ANKRD11: variants seen among roughly 807,000 people sequenced by gnomAD.
ANKRD11 encodes the protein ankyrin repeat domain-containing protein 11.
ANKRD11 carries 17 observed loss-of-function variants against 195.7 expected under a neutral mutation model. The ratio of observed to expected loss-of-function variants is 0.09; its 90% confidence interval spans 0.06 to 0.13. The LOEUF (loss-of-function observed/expected upper bound fraction) is 0.13, where lower values mean the gene tolerates loss of function less well. Among genes scored for constraint, ANKRD11 ranks in the 10% least tolerant of loss-of-function variants. The pLI is 1.00. For synonymous variants in ANKRD11, 1,953 were observed against 1,528.1 expected (o/e 1.28, Z -6.49); for missense variants, 3,735 against 3,566.1 (o/e 1.05, Z -1.21).
At chr16:89,308,075 G>T (rs1022974969) in intron 3 of ANKRD11, among the ~76,000 whole-genome samples, 1 of 151,442 alleles carries the variant, frequency 6.6e-6, no homozygotes, top group Non-Finnish European at 1.5e-5. Context: ...TGAGGGGAAG[G>T]TTCTACCAAA....
At chr16:89,303,410 C>A (rs1272852310) in intron 4 of ANKRD11, among the ~76,000 whole-genome samples, 2 of 152,232 alleles carry the variant, frequency 1.3e-5, no homozygotes, top group Non-Finnish European at 2.9e-5. Flanking sequence ...CAGGGAGTCA[C>A]CCAGGCCCTC....
intron 2 of ANKRD11, among the ~76,000 whole-genome samples, chr16:89,346,612 T>A (rs1210985782): frequency 6.6e-6 from 1 of 152,110 alleles, no homozygotes; most frequent in Non-Finnish European, 1.5e-5. Context: ...GCCTTCAATC[T>A]GGGAATTAAG....
At chr16:89,455,113 C>T (rs1418339458) in intron 1 of ANKRD11, among the ~76,000 whole-genome samples, 3 of 99,486 alleles carry the variant, frequency 3.0e-5, no homozygotes, top group Middle Eastern at 6.5e-3. Context: ...CCCCTGGGTG[C>T]TTCTAGGGTT....
chr16:89,279,960 C>A lies in ANKRD11; in HGVS notation c.6582G>T (p.Gln2194His). 6.2e-7 allele frequency: 1 copy of A among 1,610,526 alleles called. No individual in the cohort carries two copies. ...GCTCTGCAGGGAGCCGGGTGGAGGCCTGGTCAGGAGGCAGTGCCGGCGGCT... is the reference window on the plus strand; with the variant it reads ...GCTCTGCAGGGAGCCGGGTGGAGGCATGGTCAGGAGGCAGTGCCGGCGGCT... ...AEEPPALPPD[Q>H]ASTRLPAELE... The change falls in exon 9 of 13, where the codon CAG (glutamine) becomes CAT (histidine). Residue 2194 changes from glutamine to histidine, a missense_variant. By Grantham distance (24) the Gln-to-His change is conservative. Transcript: ENST00000301030. The surrounding 1 kb of genome is among the most constrained non-coding windows in gnomAD (Gnocchi z 5.6).
chr16:89,435,203 G>C (rs927104951), intron 1 of ANKRD11, among the ~76,000 whole-genome samples: 4 of 152,246 alleles, frequency 2.6e-5, no homozygotes, highest in Middle Eastern at 3.4e-3. Flanking sequence ...TCAGCACTCT[G>C]TGTCTAGCTA....
At chr16:89,433,010 A>G (rs901109575) in intron 1 of ANKRD11, among the ~76,000 whole-genome samples, 3 of 151,540 alleles carry the variant, frequency 2.0e-5, no homozygotes, top group African/African-American at 7.3e-5. Context: ...ACACACACAC[A>G]CACACACACG....
Position 89,282,065 on chromosome 16 carries a change from G to T in ANKRD11, c.4477C>A (p.Leu1493Met). The change falls in exon 9 of 13, where the codon CTG (leucine) becomes ATG (methionine). Residue 1493 changes from leucine to methionine, a missense_variant. Transcript: ENST00000301030. ...TTCTGCTCGTCCCTGTGATGCCGCA[G>T]GAGCTCGTCCCTGTGATGCCGCAGC... ...GLLRHHRDEL[L>M]RHHRDEQKPA... The T allele has an allele frequency of 6.2e-7, 1 of 1,612,138 alleles. No individual in the cohort carries two copies. Among genetic ancestry groups the T allele is most frequent in the Non-Finnish European group, 8.5e-7 (1 of 1,179,022 alleles).
intron 1 of ANKRD11, among the ~76,000 whole-genome samples, chr16:89,462,512 G>A (rs1270593816): frequency 1.3e-5 from 2 of 150,650 alleles, no homozygotes; most frequent in African/African-American, 4.9e-5. Context: ...AGTGAGGAGC[G>A]TCTCTGCCTG....
chr16:89,303,620 C>G (rs914279564), intron 4 of ANKRD11, among the ~76,000 whole-genome samples: 1 of 152,202 alleles, frequency 6.6e-6, no homozygotes. Context: ...GGCACTGCAC[C>G]TGCCCCTCAC....
chr16:89,290,617 G>C lies in ANKRD11; in HGVS notation c.601+8C>G, dbSNP rs1263489896. 1.2e-6 allele frequency: 2 copies of C among 1,611,404 alleles called. No individual in the cohort carries two copies. Among genetic ancestry groups the C allele is most frequent in the Admixed American group, 1.7e-5 (1 of 60,022 alleles). ...CTCTCTGGCCCTTGCCAGGCACAGG[G>C]TGCCCACCTGCGAAGTCCTTGACGT... On this transcript the variant is annotated splice_region_variant and intron_variant, in intron 6 of 12. Coordinates refer to ENST00000301030, the MANE Select transcript of ANKRD11 (RefSeq NM_013275.6).
intron 2 of ANKRD11, among the ~76,000 whole-genome samples, chr16:89,342,474 A>G (rs2038737518): frequency 6.6e-6 from 1 of 152,260 alleles, no homozygotes; most frequent in South Asian, 2.1e-4. Flanking sequence ...GGAACAAGGC[A>G]AAGCGTGAGG....
chr16:89,418,350 G>A lies in ANKRD11; in HGVS notation c.-126C>T, dbSNP rs904169515. 1.3e-5 allele frequency: 6 copies of A among 453,406 alleles called. No homozygotes were observed. The highest frequency in any genetic ancestry group is 1.2e-4 in the Admixed American group (5 of 42,500). 28.1% of individuals were successfully genotyped at this position (453,406 alleles called of 1,614,324 possible). ...TTAAATCCAATGGAGGTGTGTCCCAGAGCAGGGCTGTATATATTCTGAAAC... is the reference window on the plus strand; with the variant it reads ...TTAAATCCAATGGAGGTGTGTCCCAAAGCAGGGCTGTATATATTCTGAAAC... On this transcript the variant is annotated 5_prime_UTR_variant, in exon 2 of 13. Transcript: ENST00000301030.
chr16:89,390,336 T>C (rs2041132145), intron 2 of ANKRD11, among the ~76,000 whole-genome samples: 1 of 146,816 alleles, frequency 6.8e-6, no homozygotes, highest in African/African-American at 2.5e-5. Context: ...ACAGAGAAGA[T>C]CACTGGGGCG....
At chr16:89,470,783 A>T (rs1209657766) in intron 1 of ANKRD11, among the ~76,000 whole-genome samples, 1 of 151,990 alleles carries the variant, frequency 6.6e-6, no homozygotes, top group East Asian at 1.9e-4. Flanking sequence ...AGGTCAGGAG[A>T]TCAAGACTAT....
At chr16:89,341,244 C>G (rs1040575608) in intron 2 of ANKRD11, among the ~76,000 whole-genome samples, 1 of 152,184 alleles carries the variant, frequency 6.6e-6, no homozygotes, top group Admixed American at 6.5e-5. Flanking sequence ...GGCAAGCAGA[C>G]CCGGTTTGGA....
Position 89,325,449 on chromosome 16 carries a change from C to CCTCTCT in ANKRD11, c.-59-8377_-59-8372dup, listed in dbSNP as rs10641419. On this transcript the variant is annotated intron_variant, in intron 2 of 12. Coordinates refer to ENST00000301030, the MANE Select transcript of ANKRD11 (RefSeq NM_013275.6). ...CCAGACCCTCTCCCCTCTCCCCTCT[C>CCTCTCT]CTCTCTCTCTCTCTCTCTCTCACAC... Among the ~76,000 whole-genome samples the CCTCTCT allele has an allele frequency of 3.1e-3, 426 of 139,612 alleles. 2 individuals carry two copies. Among genetic ancestry groups the CCTCTCT allele is most frequent in the African/African-American group, 0.01 (379 of 36,634 alleles). 91.6% of individuals were successfully genotyped at this position (139,612 alleles called of 152,430 possible). A position where few individuals can be genotyped will look rare whatever the true frequency, so the allele number is the denominator to read the frequency against.
rs548093897 is a variant in ANKRD11, at chr16:89,374,414, G to C, written c.-60+43870C>G. 3.2e-4 allele frequency among the ~76,000 whole-genome samples: 48 copies of C among 152,202 alleles called. No individual in the cohort carries two copies. In the South Asian group the frequency reaches 9.7e-3, roughly 31 times the overall value. Reference sequence around the variant, plus strand: ...TGACTACTTCTGTTCTACATGGGCAGAGCTGAACGATACAACAGGAACTGT... The same window carrying C: ...TGACTACTTCTGTTCTACATGGGCACAGCTGAACGATACAACAGGAACTGT... On this transcript the variant is annotated intron_variant, in intron 2 of 12. Transcript: ENST00000301030.
intron 2 of ANKRD11, among the ~76,000 whole-genome samples, chr16:89,356,067 T>C (rs1053058834): frequency 6.6e-6 from 1 of 152,026 alleles, no homozygotes. Context: ...GGCACTGGAG[T>C]GAGACTTGTC....
chr16:89,354,472 T>G lies in ANKRD11; in HGVS notation c.-59-37394A>C, dbSNP rs373418928. Among the ~76,000 whole-genome samples the G allele has an allele frequency of 4.6e-5, 7 of 152,202 alleles. No homozygotes were observed. In the South Asian group the frequency reaches 1.2e-3, roughly 27 times the overall value. On this transcript the variant is annotated intron_variant, in intron 2 of 12. Coordinates refer to ENST00000301030, the MANE Select transcript of ANKRD11 (RefSeq NM_013275.6). ...GAGCCAGCCCACCTCCCTGCACCAG[T>G]GGAAATGTCACAGAGGGCAGAGGGC...
Sources: gnomAD v4.1 joint callset for allele counts (sites outside exome capture counted in the v4.1 genomes callset) on GRCh38, gnomAD v4.1.1 for gene constraint, Gnocchi (gnomAD v3.1) non-coding constraint, MANE v1.5 for transcripts, NCBI Gene and HGNC (gene_info 2026-07-23, HGNC 2026-07-21) for gene names.